The following GALNT7 variants were observed in gnomAD, a reference collection of about 807,000 sequenced individuals.
GALNT7 encodes the protein N-acetylgalactosaminyltransferase 7.
Under a neutral mutation model 82.1 loss-of-function variants are expected in GALNT7, and 60 were observed. The ratio of observed to expected loss-of-function variants is 0.73; its 90% CI spans 0.59 to 0.91. The LOEUF (loss-of-function observed/expected upper bound fraction) is 0.91, where lower values mean the gene tolerates loss of function less well. Among genes scored for constraint, GALNT7 ranks in the 40% least tolerant of loss-of-function variants. GALNT7 has a pLI of 0.00. For missense variants in GALNT7, 660 were observed against 804.2 expected (o/e 0.82, Z 2.17); for synonymous variants, 243 against 275.1 (o/e 0.88, Z 1.15).
intron 2 of GALNT7, among the ~76,000 whole-genome samples, chr4:173,277,055 T>C (rs189467612): frequency 6.6e-6 from 1 of 152,080 alleles, no homozygotes; most frequent in Non-Finnish European, 1.5e-5. Context: ...GATTGATTGA[T>C]TAAAACTTAG....
intron 1 of GALNT7, among the ~76,000 whole-genome samples, chr4:173,231,610 C>T (rs528241345): frequency 1.3e-5 from 2 of 152,168 alleles, no homozygotes; most frequent in African/African-American, 2.4e-5. Flanking sequence ...TGGATAGTTG[C>T]GAGGATTGGA....
intron 1 of GALNT7, among the ~76,000 whole-genome samples, chr4:173,218,541 A>G (rs1315719573): frequency 1.3e-5 from 2 of 151,974 alleles, no homozygotes; most frequent in African/African-American, 4.8e-5. Flanking sequence ...TGTTTTATTG[A>G]CAGTTGTTTG....
intron 2 of GALNT7, among the ~76,000 whole-genome samples, chr4:173,253,312 T>C (rs1356962274): frequency 6.6e-6 from 1 of 152,116 alleles, no homozygotes; most frequent in Non-Finnish European, 1.5e-5. Flanking sequence ...GTAGAAGACA[T>C]GAGCATGTAG....
chr4:173,309,123 A>C (rs528406225), intron 8 of GALNT7, among the ~76,000 whole-genome samples: 1 of 152,262 alleles, frequency 6.6e-6, no homozygotes, highest in Non-Finnish European at 1.5e-5. Context: ...ATGTTAAAAA[A>C]TATTTTTTGA....
At chr4:173,256,193 GTA>G (rs1735030676) in intron 2 of GALNT7, among the ~76,000 whole-genome samples, 11 of 152,304 alleles carry the variant, frequency 7.2e-5, no homozygotes, top group Admixed American at 7.2e-4. Context: ...CTCACTCACT[GTA>G]GTTGCCGCTA....
At chr4:173,241,597 G>A (rs188394337) in intron 1 of GALNT7, among the ~76,000 whole-genome samples, 116 of 152,272 alleles carry the variant, frequency 7.6e-4, no homozygotes, top group African/African-American at 2.7e-3. Context: ...CAGATGACTA[G>A]GTGATCAAAA....
At chr4:173,234,158 C>A (rs900768194) in intron 1 of GALNT7, among the ~76,000 whole-genome samples, 1 of 152,166 alleles carries the variant, frequency 6.6e-6, no homozygotes, top group African/African-American at 2.4e-5. Context: ...GGTTTTCTTT[C>A]CACATATTGG....
chr4:173,216,007 C>A (rs1403119409), intron 1 of GALNT7, among the ~76,000 whole-genome samples: 1 of 151,966 alleles, frequency 6.6e-6, no homozygotes, highest in East Asian at 1.9e-4. Flanking sequence ...GCCTGTAGTC[C>A]CAGCTACTTG....
At chr4:173,172,320 T>G (rs1197663465) in intron 1 of GALNT7, among the ~76,000 whole-genome samples, 1 of 152,228 alleles carries the variant, frequency 6.6e-6, no homozygotes, top group Non-Finnish European at 1.5e-5. Flanking sequence ...GAAGTTTTAC[T>G]CATGCTCACT....
At position 173,209,594 on chromosome 4, in the gene GALNT7, T is replaced by G. The variant is rs558166010; in HGVS notation, c.127-38386T>G. On this transcript the variant is annotated intron_variant, in intron 1 of 11. Transcript: ENST00000265000. Reference sequence around the variant, plus strand: ...ACATTTCACGTCTCCTTCCACTACCTGACACCTGCTAGTACCTCCCAGTCA... The same window carrying G: ...ACATTTCACGTCTCCTTCCACTACCGGACACCTGCTAGTACCTCCCAGTCA... Among the ~76,000 whole-genome samples the G allele has an allele frequency of 2.6e-5, 4 of 152,358 alleles. No homozygotes were observed. In the South Asian group the frequency reaches 8.3e-4, roughly 32 times the overall value.
At chr4:173,303,596 T>G (rs1281446181) in intron 7 of GALNT7, among the ~76,000 whole-genome samples, 1 of 152,110 alleles carries the variant, frequency 6.6e-6, no homozygotes, top group Non-Finnish European at 1.5e-5. Flanking sequence ...ATAAGGATAG[T>G]TGAGTAGAGA....
In GALNT7 at chr4:173,271,638, G is replaced by A. The variant is rs530009084; in HGVS notation, c.588-20470G>A. Among the ~76,000 whole-genome samples, 29 of 151,950 alleles carry A rather than the reference G, an allele frequency of 1.9e-4. No individual in the cohort carries two copies. In the East Asian group the frequency reaches 5.4e-3, roughly 28 times the overall value. On this transcript the variant is annotated intron_variant, in intron 2 of 11. Transcript: ENST00000265000. ...GGCGTGGCTAATTTTTGTATTTTTC[G>A]TATAGATGGGGTTTCACCACATTGG...
chr4:173,215,424 G>A (rs753603506), intron 1 of GALNT7, among the ~76,000 whole-genome samples: 2 of 151,854 alleles, frequency 1.3e-5, no homozygotes, highest in South Asian at 4.2e-4. Flanking sequence ...AGAGACGGGG[G>A]TTCACCATGT....
rs570724830 is a variant in GALNT7, at chr4:173,244,712, G to T, written c.127-3268G>T. 2.6e-5 allele frequency among the ~76,000 whole-genome samples: 4 copies of T among 152,298 alleles called. No homozygotes were observed. In the South Asian group the frequency reaches 8.3e-4, roughly 32 times the overall value. On this transcript the variant is annotated intron_variant, in intron 1 of 11. Transcript: ENST00000265000. ...ATTGTAATCTTGTTCAGAGGTGAGG[G>T]TGCCTGAATTAAGGCAGTAGCAGTG...
rs896057920 is a variant in GALNT7 at position 173,180,215 on chromosome 4, GT to G, written c.126+11264del. ...AGTCTAATTACGTTAAGTCAATTAAGTTTTTTTTTTGCTTGATTGTTTAATG... is the reference window on the plus strand; with the variant it reads ...AGTCTAATTACGTTAAGTCAATTAAGTTTTTTTTTGCTTGATTGTTTAATG... On this transcript the variant is annotated intron_variant, in intron 1 of 11. Transcript: ENST00000265000. Among the ~76,000 whole-genome samples, 829 of 145,516 alleles carry G rather than the reference GT, an allele frequency of 5.7e-3. 9 individuals are homozygous for G. Among genetic ancestry groups the G allele is most frequent in the African/African-American group, 0.02 (783 of 39,620 alleles).
chr4:173,229,307 T>C (rs1327616459), intron 1 of GALNT7, among the ~76,000 whole-genome samples: 1 of 152,216 alleles, frequency 6.6e-6, no homozygotes, highest in Admixed American at 6.5e-5. Context: ...TGCTTTATTA[T>C]GAATTCTAGT....
At chr4:173,297,706 A>C (rs1395305378) in intron 5 of GALNT7, 2 of 577,690 alleles carry the variant, frequency 3.5e-6, no homozygotes, top group Non-Finnish European at 5.5e-6. Flanking sequence ...TGCACAAACA[A>C]ATCAACAACA....
intron 2 of GALNT7, among the ~76,000 whole-genome samples, chr4:173,291,703 G>A (rs913301393): frequency 4.6e-5 from 7 of 150,724 alleles, no homozygotes; most frequent in African/African-American, 9.8e-5. Context: ...GCTTTCAAAC[G>A]CAGTAATATA....
chr4:173,227,363 G>A (rs963329189), intron 1 of GALNT7, among the ~76,000 whole-genome samples: 6 of 152,084 alleles, frequency 3.9e-5, no homozygotes, highest in Non-Finnish European at 5.9e-5. Context: ...ACAGTGTCTC[G>A]CTCTGTCGCC....
Sources: allele counts gnomAD v4.1 joint callset (sites outside exome capture counted in the v4.1 genomes callset), GRCh38; gene constraint gnomAD v4.1.1; transcripts MANE v1.5; gene names NCBI Gene and HGNC (gene_info 2026-07-23, HGNC 2026-07-21).